The following TAFA2 variants were observed in gnomAD, a reference collection of about 807,000 sequenced individuals.
TAFA2 encodes the protein chemokine-like protein TAFA-2.
A neutral mutation model predicts 18.8 loss-of-function variants in TAFA2; 7 were observed. That is an observed-to-expected ratio of 0.37 (90% CI 0.21 to 0.70). The LOEUF (loss-of-function observed/expected upper bound fraction) is 0.70. Ranked by LOEUF, TAFA2 falls within the 30% of genes least tolerant of loss-of-function variation. TAFA2 has a pLI of 0.53. For missense variants in TAFA2, 122 were observed against 158.1 expected, an observed-to-expected ratio of 0.77 and a Z score of 1.23; for synonymous variants, 60 against 54.2, an observed-to-expected ratio of 1.11 and a Z score of -0.47.
At chr12:62,114,503 AT>A (rs1390604441) in intron 1 of TAFA2, among the ~76,000 whole-genome samples, 2 of 152,214 alleles carry the variant, frequency 1.3e-5, no homozygotes, top group Non-Finnish European at 2.9e-5. Flanking sequence ...GTGTAACAAA[AT>A]TGTTTAAGAA....
Position 61,922,813 on chromosome 12 carries a change from C to T in TAFA2, c.-1-55387G>A, listed in dbSNP as rs113762517. On this transcript the variant is annotated intron_variant, in intron 1 of 4. Transcript: ENST00000416284. Reference sequence around the variant, plus strand: ...TGAGTGGTCTAGCTCAGCAGATCCACCCCCATGGAGCCCAGCAAGCTAAGA... The same window carrying T: ...TGAGTGGTCTAGCTCAGCAGATCCATCCCCATGGAGCCCAGCAAGCTAAGA... 7.3e-3 allele frequency among the ~76,000 whole-genome samples: 1,115 copies of T among 152,284 alleles called. 16 individuals carry two copies. The highest frequency in any genetic ancestry group is 0.026 in the African/African-American group (1,060 of 41,566).
chr12:61,851,622 A>C (rs1053213600), intron 2 of TAFA2, among the ~76,000 whole-genome samples: 2 of 151,512 alleles, frequency 1.3e-5, no homozygotes, highest in African/African-American at 4.9e-5. Flanking sequence ...AAATATATAA[A>C]AAATTAGCTG....
At chr12:61,986,096 G>T (rs1203545930) in intron 1 of TAFA2, among the ~76,000 whole-genome samples, 1 of 135,196 alleles carries the variant, frequency 7.4e-6, no homozygotes, top group Non-Finnish European at 1.6e-5. Context: ...TTTGTATTAT[G>T]TTCAGTGTAT....
intron 4 of TAFA2, among the ~76,000 whole-genome samples, chr12:61,724,370 CTCCTTCCTTCCTTTCT>C (rs1441810532): frequency 1.3e-5 from 2 of 151,326 alleles, no homozygotes; most frequent in Non-Finnish European, 3.0e-5. Flanking sequence ...CCTCTCCTCT[CTCCTTCCTTCCTTTCT>C]TCCTTCCTTC....
chr12:61,828,337 A>G (rs568523816), intron 2 of TAFA2, among the ~76,000 whole-genome samples: 46 of 152,002 alleles, frequency 3.0e-4, no homozygotes, highest in African/African-American at 1.0e-3. Flanking sequence ...TTTGTTACAA[A>G]TTCAAGAATC....
At chr12:61,833,555 T>C (rs185260636) in intron 2 of TAFA2, among the ~76,000 whole-genome samples, 44 of 152,202 alleles carry the variant, frequency 2.9e-4, no homozygotes, top group Admixed American at 1.0e-3. Flanking sequence ...TTCAATAATA[T>C]TGATAATATA....
At chr12:62,235,553 C>G (rs1234121092) in intron 1 of TAFA2, 1 of 386,238 alleles carries the variant, frequency 2.6e-6, no homozygotes, top group Non-Finnish European at 4.8e-6. Flanking sequence ...GCTGAACAGA[C>G]AGGGAGCAAC....
At chr12:62,202,818 G>T (rs1446549987) in intron 1 of TAFA2, among the ~76,000 whole-genome samples, 6 of 94,806 alleles carry the variant, frequency 6.3e-5, no homozygotes, top group Non-Finnish European at 1.1e-4. Flanking sequence ...TAGCTGTGTG[G>T]TTCTTTTTTT....
intron 4 of TAFA2, among the ~76,000 whole-genome samples, chr12:61,712,478 AACAT>A (rs1175806218): frequency 6.6e-6 from 1 of 152,158 alleles, no homozygotes; most frequent in Non-Finnish European, 1.5e-5. Context: ...GTAGAGAAAA[AACAT>A]AGATATATAC....
intron 1 of TAFA2, among the ~76,000 whole-genome samples, chr12:61,934,772 T>C (rs1034811105): frequency 6.6e-6 from 1 of 152,204 alleles, no homozygotes. Context: ...TCTCTCTCTA[T>C]GTTTATCACA....
intron 1 of TAFA2, among the ~76,000 whole-genome samples, chr12:62,199,453 T>A (rs1394921376): frequency 6.6e-6 from 1 of 152,046 alleles, no homozygotes; most frequent in Non-Finnish European, 1.5e-5. Context: ...AATGAGAACA[T>A]GCGGTGTTTG....
chr12:62,136,394 T>C (rs376608046), intron 1 of TAFA2, among the ~76,000 whole-genome samples: 5 of 152,176 alleles, frequency 3.3e-5, no homozygotes, highest in East Asian at 3.9e-4. Context: ...TCAACCCTAA[T>C]AATTTCAGAG....
intron 1 of TAFA2, among the ~76,000 whole-genome samples, chr12:61,902,062 C>A (rs539325898): frequency 7.5e-6 from 1 of 132,740 alleles, no homozygotes; most frequent in East Asian, 2.3e-4. Context: ...TTATTAAAAT[C>A]TATTGATGTA....
At chr12:62,231,715 T>G (rs2062812822) in intron 1 of TAFA2, among the ~76,000 whole-genome samples, 5 of 152,230 alleles carry the variant, frequency 3.3e-5, no homozygotes, top group Admixed American at 3.3e-4. Context: ...AATTTAAGTT[T>G]AAAACCAAAC....
At chr12:62,234,240 C>T (rs1240691687) in intron 1 of TAFA2, 33 of 345,234 alleles carry the variant, frequency 9.6e-5, no homozygotes, top group South Asian at 3.3e-4. Context: ...CCATGCTCCT[C>T]GCCATGGGTC....
intron 1 of TAFA2, among the ~76,000 whole-genome samples, chr12:62,109,713 C>T (rs766588503): frequency 1.5e-4 from 23 of 152,128 alleles, no homozygotes; most frequent in Non-Finnish European, 2.6e-4. Flanking sequence ...AAGTTGTACT[C>T]CTAGGTATTT....
chr12:62,110,696 A>G (rs1168996170), intron 1 of TAFA2, among the ~76,000 whole-genome samples: 1 of 146,222 alleles, frequency 6.8e-6, no homozygotes, highest in African/African-American at 2.5e-5. Flanking sequence ...CAGGGATTCA[A>G]CTTCTTCCTG....
At chr12:61,988,878 G>C (rs1426444897) in intron 1 of TAFA2, among the ~76,000 whole-genome samples, 1 of 152,082 alleles carries the variant, frequency 6.6e-6, no homozygotes, top group Non-Finnish European at 1.5e-5. Context: ...ATTATCTTTT[G>C]ACACTTAGGG....
rs2120810057 is a variant in TAFA2 at position 61,764,249 on chromosome 12, T to C, written c.107-9225A>G. Among the ~76,000 whole-genome samples the C allele has an allele frequency of 1.3e-5, 2 of 152,062 alleles. 1 individual carries two copies. The highest frequency in any genetic ancestry group is 6.8e-3 in the Middle Eastern group (2 of 294). On this transcript the variant is annotated intron_variant, in intron 2 of 4. Coordinates refer to ENST00000416284, the MANE Select transcript of TAFA2 (RefSeq NM_178539.5). ...ATTGATTGATAGATAGATAGATAGATAGATAGATAGATTTTTAATGGCAAA... is the reference window on the plus strand; with the variant it reads ...ATTGATTGATAGATAGATAGATAGACAGATAGATAGATTTTTAATGGCAAA...
Sources: allele counts gnomAD v4.1 joint callset (sites outside exome capture counted in the v4.1 genomes callset), GRCh38; gene constraint gnomAD v4.1.1; transcripts MANE v1.5; gene names NCBI Gene and HGNC (gene_info 2026-07-23, HGNC 2026-07-21).